The following KDM1A variants were observed in gnomAD, a reference collection of about 807,000 sequenced individuals.
The protein encoded by KDM1A is lysine demethylase 1A, also known as lysine-specific histone demethylase 1A.
A neutral mutation model predicts 109.4 loss-of-function variants in KDM1A; 49 were observed. The observed-to-expected ratio is 0.45, with a 90% CI of 0.36 to 0.57. The LOEUF (loss-of-function observed/expected upper bound fraction) is 0.57. KDM1A is among the 20% of genes least tolerant of loss of function. The pLI is 0.00. For missense variants in KDM1A, 668 were observed against 1,116.6 expected, an observed-to-expected ratio of 0.60 and a Z score of 5.73; for synonymous variants, 380 against 415.4, an observed-to-expected ratio of 0.91 and a Z score of 1.04.
At chr1:23,081,704 A>G (rs2124553354) in intron 19 of KDM1A, 131 bp downstream of exon 19, 1 of 1,116,822 alleles carries the variant, frequency 9.0e-7, no homozygotes, top group South Asian at 1.6e-5. Context: ...TGAATAATTA[A>G]TGTTTGGAGT....
At chr1:23,025,960 A>G (rs140618351) in intron 1 of KDM1A, among the ~76,000 whole-genome samples, 1 of 152,176 alleles carries the variant, frequency 6.6e-6, no homozygotes, top group African/African-American at 2.4e-5. Context: ...GTGTGGTGGC[A>G]TGCGCCTGTA....
chr1:23,074,556 G>A (rs2124526895), intron 15 of KDM1A, among the ~76,000 whole-genome samples: 1 of 152,148 alleles, frequency 6.6e-6, no homozygotes, highest in South Asian at 2.1e-4. Flanking sequence ...TCCTGCCTTG[G>A]ACTCCCATTC....
chr1:23,025,259 A>G (rs1378072952), intron 1 of KDM1A, among the ~76,000 whole-genome samples: 1 of 152,176 alleles, frequency 6.6e-6, no homozygotes. Context: ...AAAAAGTTCT[A>G]TCAGACAGCC....
At position 23,082,361 on chromosome 1, in the gene KDM1A, C is replaced by T. The variant is rs551312389; in HGVS notation, c.2440C>T (p.Pro814Ser). ...ITPGPSIPGA[P>S]QPIPRLFFAG... ...TCCTGGCCCCTCGATTCCAGGTGCC[C>T]CACAGGTGAGAAGCTGGCAAACTAT... The change falls in exon 20 of 21, where the codon CCA becomes TCA. Residue 814 changes from proline (P) to serine (S), a missense_variant. Physicochemically the swap from Pro to Ser is moderately conservative, Grantham distance 74 (BLOSUM62 -1). This residue lies in a region of KDM1A where 69 missense variants were observed against 99.6 expected (regional missense o/e 0.69). Transcript: ENST00000400181. 4.3e-6 allele frequency: 7 copies of T among 1,612,482 alleles called. No individual in the cohort carries two copies. The highest frequency in any genetic ancestry group is 5.9e-6 in the Non-Finnish European group (7 of 1,179,068).
chr1:23,077,554 C>T (rs911623500), intron 16 of KDM1A, among the ~76,000 whole-genome samples, 194 bp downstream of exon 16: 6 of 152,214 alleles, frequency 3.9e-5, no homozygotes, highest in African/African-American at 1.4e-4. Flanking sequence ...ACTGGGAAAT[C>T]GAAGCAAGTT....
intron 3 of KDM1A, among the ~76,000 whole-genome samples, chr1:23,049,367 T>C (rs933763366): frequency 3.9e-5 from 6 of 152,154 alleles, no homozygotes; most frequent in Admixed American, 2.0e-4. Flanking sequence ...AATAAAGGTG[T>C]ACTTATCCAC....
Position 23,030,516 on chromosome 1 carries a change from T to C in KDM1A, c.399T>C (p.Asp133=). The change falls in exon 2 of 21, where the codon GAT becomes GAC. Residue 133 remains aspartate, a synonymous_variant. Coordinates refer to ENST00000400181, the MANE Select transcript of KDM1A (RefSeq NM_001009999.3). ...MDESLANLSE[D]EYYSEEERNA... is the part of the protein sequence containing the mutation. ...AAAGCTTGGCCAACCTCTCAGAAGATGAGTATTATTCAGAAGAAGAGAGAA... is the reference window on the plus strand; with the variant it reads ...AAAGCTTGGCCAACCTCTCAGAAGACGAGTATTATTCAGAAGAAGAGAGAA... 6.2e-7 allele frequency: 1 copy of C among 1,610,074 alleles called. No individual in the cohort carries two copies.
At position 23,077,296 on chromosome 1, in the gene KDM1A, T is replaced by G; in HGVS notation, c.1803T>G (p.Ala601=). Residue 601 remains alanine (A), a synonymous_variant, in exon 16 of 21, where the codon GCT becomes GCG. Transcript: ENST00000400181. ...ATGGCTACTCGTGTGTGCCTGTGGC[T>G]TTAGCAGAAGGCCTAGACATTAAAC... ...VRNGYSCVPV[A]LAEGLDIKLN... is the part of the protein sequence containing the mutation. 6.2e-7 allele frequency: 1 copy of G among 1,614,180 alleles called. No individual in the cohort carries two copies. Among genetic ancestry groups the G allele is most frequent in the Non-Finnish European group, 8.5e-7 (1 of 1,179,996 alleles).
At chr1:23,057,945 A>G (rs902235394) in intron 8 of KDM1A, 1 of 155,784 alleles carries the variant, frequency 6.4e-6, no homozygotes, top group East Asian at 1.9e-4. Context: ...TACCCAGCTA[A>G]TTTTTTGTAT....
intron 1 of KDM1A, among the ~76,000 whole-genome samples, chr1:23,027,466 G>A (rs1006727945): frequency 1.2e-4 from 17 of 143,064 alleles, no homozygotes; most frequent in African/African-American, 4.5e-4. Context: ...GCAGGCTGGA[G>A]TGCAGTGTTT....
At chr1:23,078,886 TGAGAATTGA>T in intron 16 of KDM1A, 95 bp from the exon 17 acceptor site, 2 of 1,035,056 alleles carry the variant, frequency 1.9e-6, no homozygotes, top group Non-Finnish European at 2.8e-6. Flanking sequence ...AATAGAAAAA[TGAGAATTGA>T]GAAATGGATG....
chr1:23,043,045 G>A (rs949173229), intron 2 of KDM1A, among the ~76,000 whole-genome samples: 6 of 152,170 alleles, frequency 3.9e-5, no homozygotes, highest in South Asian at 2.1e-4. Context: ...CACTGCACCC[G>A]GCTCTACAAA....
At chr1:23,037,035 G>C (rs940129623) in intron 2 of KDM1A, among the ~76,000 whole-genome samples, 14 of 152,140 alleles carry the variant, frequency 9.2e-5, no homozygotes, top group Admixed American at 6.5e-4. Flanking sequence ...CCAGCACTTA[G>C]GGAGGCCGAG....
intron 8 of KDM1A, 85 bp downstream of exon 8, chr1:23,057,650 GTA>G: frequency 2.0e-6 from 2 of 1,008,616 alleles, no homozygotes; most frequent in Non-Finnish European, 1.6e-6. Context: ...ATTTTAAAAT[GTA>G]TTGGTTTAGA....
In KDM1A at chr1:23,081,429, CCTTT is replaced by C; in HGVS notation, c.2171-14_2171-11del. ...GTCTGTAGGAAAACCCTAGAATTAT[CCTTT>C]CTGTTTCCCCAGCTCCAATACTGTT... is the stretch of plus-strand genomic sequence containing the variant. On this transcript the variant is annotated splice_polypyrimidine_tract_variant and intron_variant, in intron 18 of 20. Transcript: ENST00000400181. 6.2e-7 allele frequency: 1 copy of C among 1,613,762 alleles called. No homozygotes were observed. The highest frequency in any genetic ancestry group is 8.5e-7 in the Non-Finnish European group (1 of 1,179,756).
chr1:23,038,901 A>T (rs928306902), intron 2 of KDM1A, among the ~76,000 whole-genome samples: 1 of 152,154 alleles, frequency 6.6e-6, no homozygotes, highest in Non-Finnish European at 1.5e-5. Context: ...TCATAATTTC[A>T]TTTTGACTGT....
intron 16 of KDM1A, among the ~76,000 whole-genome samples, chr1:23,078,394 A>ATATATAT (rs1228131778): frequency 6.6e-6 from 1 of 152,200 alleles, no homozygotes; most frequent in Non-Finnish European, 1.5e-5. Context: ...TATAGTATAT[A>ATATATAT]AACAGACATT....
Position 23,077,327 on chromosome 1 carries a change from A to G in KDM1A, c.1834A>G (p.Thr612Ala). Residue 612 changes from threonine to alanine, a missense_variant, in exon 16 of 21, where the codon ACA becomes GCA. Thr to Ala is a moderately conservative substitution (Grantham distance 58). This residue lies in a region of KDM1A where 162 missense variants were observed against 376.4 expected (regional missense o/e 0.43). Transcript: ENST00000400181. ...AGAAGGCCTAGACATTAAACTGAATACAGCAGTGCGACAGGTTCGCTACAC... is the reference window on the plus strand; with the variant it reads ...AGAAGGCCTAGACATTAAACTGAATGCAGCAGTGCGACAGGTTCGCTACAC... The part of the protein sequence containing the change: ...LAEGLDIKLN[T>A]AVRQVRYTAS... The G allele has an allele frequency of 6.2e-7, 1 of 1,613,876 alleles. No individual in the cohort carries two copies.
At chr1:23,035,881 A>T (rs184877237) in intron 2 of KDM1A, among the ~76,000 whole-genome samples, 1 of 152,308 alleles carries the variant, frequency 6.6e-6, no homozygotes, top group East Asian at 1.9e-4. Context: ...ATCAGAAAAG[A>T]GTTGAAGATT....
Sources: gnomAD v4.1 joint callset for allele counts (sites outside exome capture counted in the v4.1 genomes callset) on GRCh38, gnomAD v4.1.1 for gene constraint, gnomAD v4.1.1 regional missense constraint, MANE v1.5 for transcripts, NCBI Gene and HGNC (gene_info 2026-07-23, HGNC 2026-07-21) for gene names.